Variants in CIITA observed in about 807,000 individuals in gnomAD.
CIITA encodes MHC class II transactivator.
Under a neutral mutation model 115.1 loss-of-function variants are expected in CIITA, and 72 were observed. The ratio of observed to expected loss-of-function variants is 0.63; its 90% CI spans 0.52 to 0.76. The LOEUF (loss-of-function observed/expected upper bound fraction) is 0.76, where lower values mean the gene tolerates loss of function less well. CIITA is among the 30% of genes least tolerant of loss of function. The pLI, the probability that CIITA is intolerant of heterozygous loss-of-function variation, is 0.00. For synonymous variants in CIITA, 763 were observed against 635.6 expected (o/e 1.20, Z -3.02); for missense variants, 1,617 against 1,463.8 (o/e 1.10, Z -1.71).
chr16:10,880,254 G>A (rs1343994551), intron 1 of CIITA, among the ~76,000 whole-genome samples: 1 of 152,112 alleles, frequency 6.6e-6, no homozygotes, highest in African/African-American at 2.4e-5. Context: ...TGATCAACCT[G>A]TTCAGGATGT....
Position 10,924,440 on chromosome 16 carries a change from C to G in CIITA, c.*585C>G, listed in dbSNP as rs749752819. 3 of 152,302 alleles carry G rather than the reference C, an allele frequency of 2.0e-5. No homozygotes were observed. The highest frequency in any genetic ancestry group is 4.4e-5 in the Non-Finnish European group (3 of 68,144). The allele number at this position is 152,302 out of a possible 1,614,324, so 9.4% of individuals were successfully genotyped here. On this transcript the variant is annotated 3_prime_UTR_variant, in exon 20 of 20. Transcript: ENST00000324288. ...TAGAGACAGGGTTTTGCCATGTTGGCCAGGCTGGTCTCAAACTCTTGACCT... is the reference window on the plus strand; with the variant it reads ...TAGAGACAGGGTTTTGCCATGTTGGGCAGGCTGGTCTCAAACTCTTGACCT...
At chr16:10,897,908 C>G (rs2038298383) in intron 3 of CIITA, among the ~76,000 whole-genome samples, 1 of 152,108 alleles carries the variant, frequency 6.6e-6, no homozygotes, top group Non-Finnish European at 1.5e-5. Context: ...AAATCAAGTC[C>G]TAACTTTCCC....
At chr16:10,919,503 C>CTTATTTATTTAT (rs55706326) in intron 16 of CIITA, among the ~76,000 whole-genome samples, 32,107 of 149,170 alleles carry the variant, frequency 0.22, 3,997 homozygotes, top group South Asian at 0.32. Flanking sequence ...GCCCGGCCAA[C>CTTATTTATTTAT]TTATTTATTT....
Position 10,895,261 on chromosome 16 carries a change from G to A in CIITA, c.53-21G>A, listed in dbSNP as rs45442897. On this transcript the variant is annotated intron_variant, in intron 1 of 19. Coordinates refer to ENST00000324288, the MANE Select transcript of CIITA (RefSeq NM_000246.4). ...CTTTCCAACACCCTGTGAGGTGACT[G>A]AGCATTGTCTTCCCTCCCAGGCAGC... 3.2e-3 allele frequency: 5,134 copies of A among 1,613,296 alleles called. 17 individuals are homozygous for A. Among genetic ancestry groups the A allele is most frequent in the Non-Finnish European group, 3.3e-3 (3,944 of 1,179,970 alleles).
In CIITA at chr16:10,898,670, C is replaced by T. The variant is rs1454601231; in HGVS notation, c.296C>T (p.Ala99Val). ...EETREAYANI[A>V]ELDQYVFQDS... Reference sequence around the variant, plus strand: ...ACTGCGCTTTTCCTTGTCTGGGCAGCGGAACTGGACCAGTATGTCTTCCAG... The same window carrying T: ...ACTGCGCTTTTCCTTGTCTGGGCAGTGGAACTGGACCAGTATGTCTTCCAG... Residue 99 changes from alanine (A) to valine (V), a missense_variant and splice_region_variant, in exon 4 of 20, where the codon GCG (alanine) becomes GTG (valine). Transcript: ENST00000324288. The T allele has an allele frequency of 5.0e-6, 8 of 1,608,874 alleles. No homozygotes were observed. The East Asian group carries it at 6.7e-5, about 14-fold the overall frequency.
chr16:10,891,167 T>C (rs1164593439), intron 1 of CIITA, among the ~76,000 whole-genome samples: 1 of 152,086 alleles, frequency 6.6e-6, no homozygotes, highest in African/African-American at 2.4e-5. Flanking sequence ...CCCCCATCTG[T>C]GATACCACCT....
intron 13 of CIITA, among the ~76,000 whole-genome samples, chr16:10,912,329 G>T (rs1282521207): frequency 6.6e-6 from 1 of 152,084 alleles, no homozygotes; most frequent in Non-Finnish European, 1.5e-5. Flanking sequence ...GGCCAGGCTG[G>T]TCTTGAACTC....
At chr16:10,906,195 CAA>C (rs995050551) in intron 10 of CIITA, among the ~76,000 whole-genome samples, 3 of 151,854 alleles carry the variant, frequency 2.0e-5, no homozygotes, top group Non-Finnish European at 4.4e-5. Context: ...CCCATCTCTA[CAA>C]AAAAATCAAA....
intron 7 of CIITA, 121 bp downstream of exon 7, chr16:10,902,305 A>T: frequency 2.9e-6 from 4 of 1,388,602 alleles, no homozygotes; most frequent in Non-Finnish European, 4.0e-6. Flanking sequence ...TATCAGTGTC[A>T]CTCACCTCTG....
At chr16:10,898,268 C>T (rs943156862) in intron 3 of CIITA, among the ~76,000 whole-genome samples, 1 of 152,016 alleles carries the variant, frequency 6.6e-6, no homozygotes, top group Non-Finnish European at 1.5e-5. Flanking sequence ...TTATCACCAT[C>T]GATTCCTGGG....
chr16:10,941,486 G>A lies in CIITA; in HGVS notation n.612G>A. ...GAACGGAGGAGAAGCCTGAGGGAGG[G>A]GTGTGTATCCGGCCTGGGAATTCCT... On this transcript the variant is annotated non_coding_transcript_exon_variant, in exon 2 of 2. Coordinates refer to the CIITA transcript ENST00000573379. The surrounding 1 kb of genome is among the most constrained non-coding windows in gnomAD (Gnocchi z 6.4). The A allele has an allele frequency of 7.7e-7, 1 of 1,297,760 alleles. No individual in the cohort carries two copies. 80.4% of individuals were successfully genotyped at this position (1,297,760 alleles called of 1,614,324 possible). A position where few individuals can be genotyped will look rare whatever the true frequency, so the allele number is the denominator to read the frequency against.
chr16:10,910,970 GC>G (rs61483197), intron 13 of CIITA, among the ~76,000 whole-genome samples: 66,268 of 151,964 alleles, frequency 0.44, 14,793 homozygotes, highest in Middle Eastern at 0.58. Flanking sequence ...ATCCCAAGAA[GC>G]CCCTTAGTCC....
At chr16:10,916,067 G>T (rs2039929734) in intron 14 of CIITA, among the ~76,000 whole-genome samples, 1 of 152,236 alleles carries the variant, frequency 6.6e-6, no homozygotes, top group African/African-American at 2.4e-5. Context: ...GGGGAGCATA[G>T]TCCTACTTTA....
intron 1 of CIITA, chr16:10,866,506 G>A (rs1332369642): frequency 5.4e-6 from 3 of 557,152 alleles, no homozygotes; most frequent in Admixed American, 3.9e-5. Context: ...GGCCCTCCTG[G>A]GGTGGGCCCG....
At chr16:10,875,620 A>G (rs2035779099), upstream of CIITA, among the ~76,000 whole-genome samples, 1 of 152,122 alleles carries the variant, frequency 6.6e-6, no homozygotes, top group Non-Finnish European at 1.5e-5. Context: ...ACACTTTACT[A>G]TTATTTATGA....
At position 10,941,779 on chromosome 16, in the gene CIITA, G is replaced by T. The variant is rs758877371; in HGVS notation, n.905G>T. ...GTCAGCATCGTAAAGGCCCGAGCCG[G>T]GGTCGGAGAGCACGCCGAGGTCCAC... On this transcript the variant is annotated non_coding_transcript_exon_variant, in exon 2 of 2. Coordinates refer to the CIITA transcript ENST00000573379. This position sits in a 1 kb window ranked among gnomAD's most constrained non-coding sequence, Gnocchi z 6.4. 45 of 1,613,610 alleles carry T rather than the reference G, an allele frequency of 2.8e-5. No individual in the cohort carries two copies. Among genetic ancestry groups the T allele is most frequent in the Non-Finnish European group, 3.7e-5 (44 of 1,179,836 alleles).
intron 1 of CIITA, among the ~76,000 whole-genome samples, chr16:10,881,414 C>T (rs541000845): frequency 1.3e-5 from 2 of 152,304 alleles, no homozygotes; most frequent in East Asian, 1.9e-4. Context: ...TAGTTACCAC[C>T]GATTCTCATA....
At chr16:10,887,590 G>T (rs2037089311) in intron 1 of CIITA, among the ~76,000 whole-genome samples, 1 of 151,836 alleles carries the variant, frequency 6.6e-6, no homozygotes, top group Non-Finnish European at 1.5e-5. Flanking sequence ...CCGCCTCCCA[G>T]GTTCAAGCAA....
chr16:10,895,461 T>C (rs1377314907), intron 2 of CIITA, 33 bp downstream of exon 2: 4 of 1,611,188 alleles, frequency 2.5e-6, no homozygotes, highest in South Asian at 1.1e-5. Context: ...TCTTCCGGTA[T>C]CCCCCACCCC....
Sources: allele counts gnomAD v4.1 joint callset (sites outside exome capture counted in the v4.1 genomes callset), GRCh38; gene constraint gnomAD v4.1.1; non-coding constraint Gnocchi (gnomAD v3.1); transcripts MANE v1.5; gene names NCBI Gene and HGNC (gene_info 2026-07-23, HGNC 2026-07-21).